Variants in STAG1 observed in about 807,000 individuals in gnomAD.
The protein encoded by STAG1 is STAG1 cohesin complex component.
Under a neutral mutation model 170.9 loss-of-function variants are expected in STAG1, and 26 were observed. The ratio of observed to expected loss-of-function variants is 0.15; its 90% CI spans 0.11 to 0.21. The LOEUF (loss-of-function observed/expected upper bound fraction) is 0.21, where lower values mean the gene tolerates loss of function less well. Among genes scored for constraint, STAG1 ranks in the 10% least tolerant of loss-of-function variants. STAG1 has a pLI of 1.00. For synonymous variants in STAG1, 514 were observed against 497.7 expected (o/e 1.03, Z -0.44); for missense variants, 964 against 1,509.5 (o/e 0.64, Z 5.99).
intron 1 of STAG1, among the ~76,000 whole-genome samples, chr3:136,634,435 T>TA (rs1032743722): frequency 4.0e-5 from 6 of 150,862 alleles, no homozygotes; most frequent in Admixed American, 2.0e-4. Flanking sequence ...TACAAACATA[T>TA]AAAAAATCAT....
chr3:136,430,484 T>C (rs2088265062), intron 16 of STAG1, among the ~76,000 whole-genome samples: 1 of 152,170 alleles, frequency 6.6e-6, no homozygotes, highest in African/African-American at 2.4e-5. Flanking sequence ...TATATTTATG[T>C]TATAATCTCA....
chr3:136,422,954 T>C lies in STAG1; in HGVS notation c.1741A>G (p.Lys581Glu). The change falls in exon 17 of 34, where the codon AAG becomes GAG. Residue 581 changes from lysine (K) to glutamate (E), a missense_variant and splice_region_variant. By Grantham distance (56) the Lys-to-Glu change is moderately conservative. Transcript: ENST00000383202. Reference protein sequence around the residue: ...FIITLPMLLSKYSADAEKVAN... With the variant: ...FIITLPMLLSEYSADAEKVAN... ...CAAAACTGTAAATGAAACTGTACCT[T>C]TGACAGTAACATAGGAAGTGTAATA... 6.3e-7 allele frequency: 1 copy of C among 1,599,350 alleles called. No homozygotes were observed. Among genetic ancestry groups the C allele is most frequent in the South Asian group, 1.1e-5 (1 of 88,488 alleles).
At chr3:136,519,015 AAAC>A (rs1934524551) in intron 7 of STAG1, among the ~76,000 whole-genome samples, 1 of 152,222 alleles carries the variant, frequency 6.6e-6, no homozygotes, top group Non-Finnish European at 1.5e-5. Flanking sequence ...AGTATAGAGA[AAAC>A]AATACAATGA....
At chr3:136,417,838 A>T in intron 21 of STAG1, 47 bp downstream of exon 21, 1 of 1,490,194 alleles carries the variant, frequency 6.7e-7, no homozygotes, top group South Asian at 1.1e-5. Flanking sequence ...GACTTCAGAA[A>T]AACAACTTTC....
intron 6 of STAG1, among the ~76,000 whole-genome samples, chr3:136,531,762 G>C (rs1935381183): frequency 6.7e-6 from 1 of 149,170 alleles, no homozygotes; most frequent in South Asian, 2.2e-4. Flanking sequence ...GACTGTTGTG[G>C]GGTGCGGGGA....
chr3:136,521,279 T>C lies in STAG1; in HGVS notation c.610A>G (p.Ile204Val). 2 of 1,613,834 alleles carry C rather than the reference T, an allele frequency of 1.2e-6. No homozygotes were observed. Among genetic ancestry groups the C allele is most frequent in the Non-Finnish European group, 1.7e-6 (2 of 1,179,820 alleles). ...IYDEYMMDTV[I>V]SLLTGLSDSQ... ...TCTGACAAACCCGTCAAAAGGGAGA[T>C]TACTGTGTCCATCATATACTCATCA... The change falls in exon 7 of 34, where the codon ATC (isoleucine) becomes GTC (valine). Residue 204 changes from isoleucine to valine, a missense_variant. Ile to Val is a conservative substitution (Grantham distance 29). Around this residue, in one of 11 missense-constraint regions of STAG1, gnomAD observed 40 missense variants for 44.1 expected, o/e 0.91. Transcript: ENST00000383202.
intron 6 of STAG1, among the ~76,000 whole-genome samples, chr3:136,533,166 G>T (rs1935460000): frequency 6.6e-6 from 1 of 151,920 alleles, no homozygotes. Context: ...ACAACAGCTA[G>T]AAAAAATAAA....
chr3:136,478,423 T>C (rs755828398), intron 9 of STAG1, among the ~76,000 whole-genome samples: 6 of 152,220 alleles, frequency 3.9e-5, no homozygotes, highest in South Asian at 2.1e-4. Context: ...TAATCTTTCA[T>C]CACAAGGTTA....
At chr3:136,520,843 G>A (rs931116349) in intron 7 of STAG1, among the ~76,000 whole-genome samples, 1 of 151,984 alleles carries the variant, frequency 6.6e-6, no homozygotes, top group South Asian at 2.1e-4. Flanking sequence ...ATAATAATGA[G>A]CAATAAAACA....
intron 13 of STAG1, among the ~76,000 whole-genome samples, chr3:136,458,285 T>G (rs1276328718): frequency 6.6e-6 from 1 of 152,130 alleles, no homozygotes; most frequent in Non-Finnish European, 1.5e-5. Context: ...ACCTCCCAAG[T>G]AGCTGGAATT....
At chr3:136,734,935 T>C (rs554217747) in intron 1 of STAG1, among the ~76,000 whole-genome samples, 13 of 152,300 alleles carry the variant, frequency 8.5e-5, no homozygotes, top group African/African-American at 1.4e-4. Flanking sequence ...CTCACTTACA[T>C]GTGGAATCTA....
chr3:136,411,995 C>G (rs990841197), intron 21 of STAG1, among the ~76,000 whole-genome samples: 1 of 151,432 alleles, frequency 6.6e-6, no homozygotes, highest in Non-Finnish European at 1.5e-5. Context: ...CCATATTGGC[C>G]TGGGTGACAG....
intron 7 of STAG1, among the ~76,000 whole-genome samples, chr3:136,506,149 G>A (rs1402843507): frequency 6.6e-6 from 1 of 152,142 alleles, no homozygotes; most frequent in African/African-American, 2.4e-5. Flanking sequence ...TGTGACCAGA[G>A]TATAGGACAG....
At chr3:136,476,050 C>T (rs937070110) in intron 10 of STAG1, among the ~76,000 whole-genome samples, 2 of 152,168 alleles carry the variant, frequency 1.3e-5, no homozygotes, top group Non-Finnish European at 2.9e-5. Flanking sequence ...TGGGTAGATG[C>T]AGTGAGAATC....
At chr3:136,723,251 G>A (rs1442235670) in intron 1 of STAG1, among the ~76,000 whole-genome samples, 4 of 151,504 alleles carry the variant, frequency 2.6e-5, no homozygotes, top group Non-Finnish European at 5.9e-5. Flanking sequence ...AATGAGGAGC[G>A]CCTCTTCCCG....
chr3:136,472,503 A>C lies in STAG1; in HGVS notation c.1126-11T>G. ...TGATACAATGCGATCCTGAGAAAAA[A>C]AAGTTGTAAAACAAACCAACTATGA... On this transcript the variant is annotated splice_polypyrimidine_tract_variant and intron_variant, in intron 11 of 33. Transcript: ENST00000383202. The C allele has an allele frequency of 6.2e-7, 1 of 1,608,834 alleles. No homozygotes were observed. The highest frequency in any genetic ancestry group is 2.2e-5 in the East Asian group (1 of 44,692).
chr3:136,731,811 C>G (rs976699648), intron 1 of STAG1, among the ~76,000 whole-genome samples: 1 of 152,198 alleles, frequency 6.6e-6, no homozygotes, highest in African/African-American at 2.4e-5. Flanking sequence ...ATGCCCACAC[C>G]TGGCACCAGA....
rs1937165637 is a variant in STAG1 at position 136,368,516 on chromosome 3, C to A, written c.2545+592G>T. 1.3e-5 allele frequency among the ~76,000 whole-genome samples: 2 copies of A among 149,156 alleles called. 1 individual carries two copies. Among genetic ancestry groups the A allele is most frequent in the South Asian group, 4.5e-4 (2 of 4,494 alleles). On this transcript the variant is annotated intron_variant, in intron 24 of 33. Coordinates refer to ENST00000383202, the MANE Select transcript of STAG1 (RefSeq NM_005862.3). ...TACTTTCTTTTAGAAAAATTATGAA[C>A]CTGGACATAGCCAATTAGAAACAAC...
At chr3:136,505,520 T>G (rs2107872461) in intron 7 of STAG1, among the ~76,000 whole-genome samples, 1 of 152,366 alleles carries the variant, frequency 6.6e-6, no homozygotes, top group African/African-American at 2.4e-5. Flanking sequence ...CACCGCATTT[T>G]ACAAAAGTAC....
Sources: allele counts gnomAD v4.1 joint callset (sites outside exome capture counted in the v4.1 genomes callset), GRCh38; gene constraint gnomAD v4.1.1; regional missense constraint gnomAD v4.1.1; transcripts MANE v1.5; gene names NCBI Gene and HGNC (gene_info 2026-07-23, HGNC 2026-07-21).